The following CNTN5 variants were observed in gnomAD, a reference collection of about 807,000 sequenced individuals.
CNTN5 encodes the protein contactin-5.
Under a neutral mutation model 129.1 loss-of-function variants are expected in CNTN5, and 77 were observed. That is an observed-to-expected ratio of 0.60 (90% CI 0.50 to 0.72). CNTN5 has a LOEUF of 0.72. Among genes scored for constraint, CNTN5 ranks in the 30% least tolerant of loss-of-function variants. The pLI is 0.00. For missense variants in CNTN5, 1,478 were observed against 1,328.8 expected (o/e 1.11, Z -1.75); for synonymous variants, 509 against 465.6 (o/e 1.09, Z -1.20).
intron 2 of CNTN5, among the ~76,000 whole-genome samples, chr11:99,401,994 T>G (rs1483514293): frequency 6.6e-6 from 1 of 152,170 alleles, no homozygotes; most frequent in Non-Finnish European, 1.5e-5. Flanking sequence ...TTTTCACGTT[T>G]AAGATTGTAT....
intron 3 of CNTN5, among the ~76,000 whole-genome samples, chr11:99,642,754 C>T (rs918984379): frequency 2.6e-5 from 4 of 152,178 alleles, no homozygotes; most frequent in Non-Finnish European, 4.4e-5. Context: ...ATCCTCTTCT[C>T]CCCTCTACCC....
chr11:100,183,333 C>G (rs987020673), intron 13 of CNTN5, among the ~76,000 whole-genome samples: 1 of 152,050 alleles, frequency 6.6e-6, no homozygotes, highest in African/African-American at 2.4e-5. Flanking sequence ...TAGCCCTAAG[C>G]TGAGAGCAAC....
chr11:99,136,873 T>C (rs1379838939), intron 1 of CNTN5, among the ~76,000 whole-genome samples: 1 of 152,126 alleles, frequency 6.6e-6, no homozygotes, highest in Non-Finnish European at 1.5e-5. Context: ...AAATTTAATA[T>C]TTGTTCAGCA....
chr11:99,961,411 C>T (rs1950944072), intron 8 of CNTN5, among the ~76,000 whole-genome samples: 1 of 151,902 alleles, frequency 6.6e-6, no homozygotes, highest in South Asian at 2.1e-4. Context: ...CCAAGTGAGA[C>T]ATTTCCATAT....
chr11:99,411,431 G>T (rs1437800948), intron 2 of CNTN5, among the ~76,000 whole-genome samples: 5 of 152,116 alleles, frequency 3.3e-5, no homozygotes, highest in Non-Finnish European at 7.4e-5. Context: ...GAGGAAGGAG[G>T]ATGGCTTAAG....
intron 13 of CNTN5, among the ~76,000 whole-genome samples, chr11:100,091,660 C>A (rs959488635): frequency 1.3e-5 from 2 of 151,822 alleles, no homozygotes; most frequent in Admixed American, 1.3e-4. Flanking sequence ...AACTCCTGAC[C>A]TTGTGATCCA....
chr11:99,666,655 C>T (rs972111318), intron 3 of CNTN5, among the ~76,000 whole-genome samples: 7 of 152,072 alleles, frequency 4.6e-5, no homozygotes, highest in Non-Finnish European at 7.4e-5. Flanking sequence ...CGGAGACAGC[C>T]GCAATGGCAT....
chr11:99,895,385 C>T (rs1479162692), intron 6 of CNTN5, among the ~76,000 whole-genome samples: 1 of 152,194 alleles, frequency 6.6e-6, no homozygotes, highest in East Asian at 1.9e-4. Flanking sequence ...GAAGAGATAT[C>T]TCCTCAAGAG....
intron 2 of CNTN5, among the ~76,000 whole-genome samples, chr11:99,418,813 C>G (rs187046073): frequency 1.6e-3 from 237 of 152,208 alleles, no homozygotes; most frequent in African/African-American, 5.5e-3. Flanking sequence ...AATTAAACTC[C>G]TCATGATGCC....
Position 100,265,779 on chromosome 11 carries a change from G to C in CNTN5, c.2165-5313G>C, listed in dbSNP as rs184936204. Among the ~76,000 whole-genome samples, 31 of 152,162 alleles carry C rather than the reference G, an allele frequency of 2.0e-4. No individual in the cohort carries two copies. In the East Asian group the frequency reaches 6.0e-3, roughly 29 times the overall value. On this transcript the variant is annotated intron_variant, in intron 17 of 24. Transcript: ENST00000524871. ...ACTAAAATGTAAATGGGAATAACTT[G>C]TTTATTTTGAAAAAAGTATGCAAAC...
intron 2 of CNTN5, among the ~76,000 whole-genome samples, chr11:99,519,849 G>A (rs1178708854): frequency 6.6e-6 from 1 of 152,082 alleles, no homozygotes; most frequent in Admixed American, 6.6e-5. Flanking sequence ...CTAGACTGCA[G>A]GTTTCCCTGT....
rs556944749 is a variant in CNTN5 at position 100,182,349 on chromosome 11, G to A, written c.1581-8777G>A. Among the ~76,000 whole-genome samples, 3 of 152,132 alleles carry A rather than the reference G, an allele frequency of 2.0e-5. No homozygotes were observed. The East Asian group carries it at 5.8e-4, about 30-fold the overall frequency. On this transcript the variant is annotated intron_variant, in intron 13 of 24. Transcript: ENST00000524871. ...GTGAAGGCCCTCTTTTTGGTTTACAGATGGCTATTTTCCTTCTGTGTCCTC... is the reference window on the plus strand; with the variant it reads ...GTGAAGGCCCTCTTTTTGGTTTACAAATGGCTATTTTCCTTCTGTGTCCTC...
chr11:99,195,162 G>C (rs1465036059), intron 1 of CNTN5, among the ~76,000 whole-genome samples: 1 of 151,890 alleles, frequency 6.6e-6, no homozygotes, highest in African/African-American at 2.4e-5. Flanking sequence ...TTATTTATTT[G>C]CATTTTGATT....
rs548356782 is a variant in CNTN5 at position 99,964,655 on chromosome 11, A to G, written c.877+7646A>G. On this transcript the variant is annotated intron_variant, in intron 8 of 24. Transcript: ENST00000524871. ...TGTGTCTCTGCCAGGCTTTGGTATC[A>G]GGATGATGCTGGCCTCATAAAATGA... is the stretch of plus-strand genomic sequence containing the variant. Among the ~76,000 whole-genome samples the G allele has an allele frequency of 9.8e-4, 149 of 152,286 alleles. 2 individuals are homozygous for G. The highest frequency in any genetic ancestry group is 3.2e-3 in the African/African-American group (133 of 41,558).
intron 1 of CNTN5, among the ~76,000 whole-genome samples, chr11:99,237,501 T>A (rs1298966948): frequency 6.6e-6 from 1 of 152,074 alleles, no homozygotes; most frequent in African/African-American, 2.4e-5. Flanking sequence ...GCCAACATAG[T>A]GGAACCCTGT....
intron 3 of CNTN5, among the ~76,000 whole-genome samples, chr11:99,662,475 C>T (rs926969960): frequency 1.1e-4 from 16 of 152,092 alleles, no homozygotes; most frequent in Admixed American, 5.2e-4. Context: ...ACATTTAAAA[C>T]GTAACAATGG....
At position 99,276,158 on chromosome 11, in the gene CNTN5, C is replaced by G. The variant is rs1308523303; in HGVS notation, c.-209-49188C>G. On this transcript the variant is annotated intron_variant, in intron 1 of 24. Transcript: ENST00000524871. ...CATTGGGTGTGCTGTCTCTTTGATTCTGAAACTCTGAGTGATACAGGTATA... is the reference window on the plus strand; with the variant it reads ...CATTGGGTGTGCTGTCTCTTTGATTGTGAAACTCTGAGTGATACAGGTATA... Among the ~76,000 whole-genome samples, 5 of 151,618 alleles carry G rather than the reference C, an allele frequency of 3.3e-5. No individual in the cohort carries two copies. In the East Asian group the frequency reaches 9.7e-4, roughly 29 times the overall value.
At chr11:99,590,784 G>T (rs764284285) in intron 3 of CNTN5, among the ~76,000 whole-genome samples, 53 of 152,310 alleles carry the variant, frequency 3.5e-4, no homozygotes, top group Non-Finnish European at 6.3e-4. Context: ...GAAGGCTAAT[G>T]CCAATCATCT....
chr11:99,941,279 G>C (rs1324338531), intron 7 of CNTN5, among the ~76,000 whole-genome samples: 3 of 151,866 alleles, frequency 2.0e-5, no homozygotes, highest in African/African-American at 7.3e-5. Flanking sequence ...AAAACTTCCA[G>C]ACAAATCATT....
Sources: allele counts gnomAD v4.1 joint callset (sites outside exome capture counted in the v4.1 genomes callset), GRCh38; gene constraint gnomAD v4.1.1; transcripts MANE v1.5; gene names NCBI Gene and HGNC (gene_info 2026-07-23, HGNC 2026-07-21).